Variants in WDR93 observed in about 807,000 individuals in gnomAD.
The protein encoded by WDR93 is WD repeat domain 93.
WDR93 carries 73 observed loss-of-function variants against 82.9 expected under a neutral mutation model. The observed-to-expected ratio is 0.88, with a 90% confidence interval of 0.73 to 1.07. WDR93 has a LOEUF of 1.07. Among genes scored for constraint, WDR93 ranks in the 50% least tolerant of loss-of-function variants. WDR93 has a pLI of 0.00. For synonymous variants in WDR93, 283 were observed against 300.1 expected, an observed-to-expected ratio of 0.94 and a Z score of 0.59; for missense variants, 738 against 826.0, an observed-to-expected ratio of 0.89 and a Z score of 1.31.
upstream of WDR93, chr15:89,690,796 G>T (rs1037110394): frequency 1.1e-5 from 6 of 560,758 alleles, no homozygotes; most frequent in African/African-American, 3.9e-5. Flanking sequence ...GAGCAACTTC[G>T]CGGACTTCCG....
At chr15:89,737,125 A>G (rs1244860888) in intron 14 of WDR93, among the ~76,000 whole-genome samples, 2 of 152,138 alleles carry the variant, frequency 1.3e-5, no homozygotes, top group East Asian at 3.9e-4. Flanking sequence ...AGAGTTTAGT[A>G]TGTTCACTGC....
intron 14 of WDR93, 40 bp from the exon 15 acceptor site, chr15:89,737,533 G>A: frequency 6.2e-7 from 1 of 1,613,248 alleles, no homozygotes; most frequent in Non-Finnish European, 8.5e-7. Context: ...GAGGGACAGA[G>A]TCCAGTAGAA....
At chr15:89,728,706 A>C (rs1255962162) in intron 9 of WDR93, among the ~76,000 whole-genome samples, 1 of 152,124 alleles carries the variant, frequency 6.6e-6, no homozygotes, top group Admixed American at 6.6e-5. Flanking sequence ...TATGTAGATC[A>C]CCCGAGTCTG....
Position 89,702,944 on chromosome 15 carries a change from TC to T in WDR93, c.304-3del, listed in dbSNP as rs764859007. On this transcript the variant is annotated splice_region_variant and splice_polypyrimidine_tract_variant and intron_variant, in intron 2 of 16. Transcript: ENST00000268130. ...TGAAAATAATATTTTTTCTTTGTTT[TC>T]CCAGCTCAACAAAATGCCAAATTGT... 9.3e-6 allele frequency: 15 copies of T among 1,613,068 alleles called. No homozygotes were observed. The highest frequency in any genetic ancestry group is 1.6e-4 in the Middle Eastern group (1 of 6,076).
intron 1 of WDR93, among the ~76,000 whole-genome samples, chr15:89,695,142 G>C (rs916174263): frequency 3.6e-5 from 5 of 140,060 alleles, no homozygotes; most frequent in African/African-American, 1.4e-4. Flanking sequence ...TGTAAAGTTA[G>C]CTTCTTAATT....
intron 7 of WDR93, among the ~76,000 whole-genome samples, chr15:89,720,583 T>A (rs1256300916): frequency 6.6e-6 from 1 of 152,260 alleles, no homozygotes; most frequent in African/African-American, 2.4e-5. Flanking sequence ...CTAGTAGATT[T>A]TTAGAAGTAT....
chr15:89,715,496 A>AAT (rs1013246935), intron 6 of WDR93, among the ~76,000 whole-genome samples: 2 of 152,118 alleles, frequency 1.3e-5, no homozygotes, highest in Admixed American at 6.6e-5. Context: ...AATATACAGA[A>AAT]ATATATATAT....
intron 1 of WDR93, among the ~76,000 whole-genome samples, chr15:89,691,470 A>T (rs561925399): frequency 6.6e-6 from 1 of 152,182 alleles, no homozygotes; most frequent in African/African-American, 2.4e-5. Flanking sequence ...TGTAATCCCA[A>T]CACTTTGGGA....
Position 89,705,449 on chromosome 15 carries a change from T to C in WDR93, c.497-105T>C, listed in dbSNP as rs1339675305. ...AGGGGCTGGGAAGGAGGCCTAAGAATGAGCGAGCTCATGATGGTAAGTTCA... is the reference window on the plus strand; with the variant it reads ...AGGGGCTGGGAAGGAGGCCTAAGAACGAGCGAGCTCATGATGGTAAGTTCA... On this transcript the variant is annotated intron_variant, in intron 3 of 16. Transcript: ENST00000268130. The C allele has an allele frequency of 6.7e-6, 5 of 748,092 alleles. No individual in the cohort carries two copies. In the Admixed American group the frequency reaches 1.0e-4, roughly 15 times the overall value. 46.3% of individuals were successfully genotyped at this position (748,092 alleles called of 1,614,324 possible).
At position 89,723,823 on chromosome 15, in the gene WDR93, T is replaced by TGCC. The variant is rs1966623549; in HGVS notation, c.880+1685_880+1686insCCG. ...AAAATAAAACTTAACCCCTGCCTCA[T>TGCC]GTCGTACACAAAACTAAATTCCAGA... is the stretch of plus-strand genomic sequence containing the variant. On this transcript the variant is annotated intron_variant, in intron 8 of 16. Coordinates refer to ENST00000268130, the MANE Select transcript of WDR93 (RefSeq NM_020212.2). 2.6e-5 allele frequency among the ~76,000 whole-genome samples: 4 copies of TGCC among 152,296 alleles called. No homozygotes were observed. In the South Asian group the frequency reaches 8.3e-4, roughly 32 times the overall value.
At chr15:89,692,693 T>C (rs2141567766) in intron 1 of WDR93, among the ~76,000 whole-genome samples, 1 of 152,342 alleles carries the variant, frequency 6.6e-6, no homozygotes, top group Middle Eastern at 3.4e-3. Flanking sequence ...CACTGCACCC[T>C]TCGTCTCCCG....
At chr15:89,725,694 C>G (rs1966710963) in intron 8 of WDR93, among the ~76,000 whole-genome samples, 1 of 151,988 alleles carries the variant, frequency 6.6e-6, no homozygotes, top group African/African-American at 2.4e-5. Flanking sequence ...TCCCAAGTAG[C>G]TGGGACTACA....
chr15:89,711,943 TG>T, intron 4 of WDR93, 82 bp from the exon 5 acceptor site: 1 of 1,026,114 alleles, frequency 9.7e-7, no homozygotes, highest in East Asian at 2.6e-5. Flanking sequence ...TCTCTGTTCC[TG>T]GGTGCAGACC....
chr15:89,716,393 A>G (rs1429994185), intron 6 of WDR93, among the ~76,000 whole-genome samples: 1 of 152,050 alleles, frequency 6.6e-6, no homozygotes, highest in African/African-American at 2.4e-5. Context: ...TTGGTACTCA[A>G]AAAGATATAT....
At chr15:89,702,191 A>G (rs1055372673) in intron 2 of WDR93, 142 bp downstream of exon 2, 1 of 969,494 alleles carries the variant, frequency 1.0e-6, no homozygotes, top group Non-Finnish European at 1.5e-6. Flanking sequence ...AAGCATGCTG[A>G]TGTTGATTAA....
At position 89,692,980 on chromosome 15, in the gene WDR93, GTTTTC is replaced by G. The variant is rs927239674; in HGVS notation, c.-41+2135_-41+2139del. Among the ~76,000 whole-genome samples the G allele has an allele frequency of 2.9e-3, 448 of 152,044 alleles. 2 individuals are homozygous for G. Among genetic ancestry groups the G allele is most frequent in the African/African-American group, 0.01 (432 of 41,460 alleles). ...TAAATTGAATCATATAGTATGTAGC[GTTTTC>G]TTTTCTTTTCTGATTTATTTTACTT... On this transcript the variant is annotated intron_variant, in intron 1 of 16. Transcript: ENST00000268130.
At chr15:89,727,822 C>T (rs1178722164) in intron 9 of WDR93, among the ~76,000 whole-genome samples, 2 of 151,908 alleles carry the variant, frequency 1.3e-5, no homozygotes, top group Non-Finnish European at 2.9e-5. Context: ...GTGGCTCAGG[C>T]CTGTAATCCC....
At position 89,710,092 on chromosome 15, in the gene WDR93, G is replaced by A. The variant is rs555743394; in HGVS notation, c.562-1934G>A. Among the ~76,000 whole-genome samples the A allele has an allele frequency of 8.5e-5, 13 of 152,278 alleles. No individual in the cohort carries two copies. In the East Asian group the frequency reaches 1.2e-3, roughly 14 times the overall value. ...GGAGAATTGCTTGAACCCAGGAGGC[G>A]GAGATTGCAGTGAGCTGAGATCGCA... On this transcript the variant is annotated intron_variant, in intron 4 of 16. Coordinates refer to ENST00000268130, the MANE Select transcript of WDR93 (RefSeq NM_020212.2).
chr15:89,738,030 T>C lies in WDR93; in HGVS notation c.1766-11T>C. Reference sequence around the variant, plus strand: ...TGTTACACAGAACATGGTGTTCTTGTCTCGTCACAGGAGACTATTCACATG... The same window carrying C: ...TGTTACACAGAACATGGTGTTCTTGCCTCGTCACAGGAGACTATTCACATG... On this transcript the variant is annotated splice_polypyrimidine_tract_variant and intron_variant, in intron 15 of 16. Coordinates refer to ENST00000268130, the MANE Select transcript of WDR93 (RefSeq NM_020212.2). 1.3e-6 allele frequency: 2 copies of C among 1,597,872 alleles called. No homozygotes were observed. The highest frequency in any genetic ancestry group is 1.7e-6 in the Non-Finnish European group (2 of 1,171,970).
Sources: gnomAD v4.1 joint callset for allele counts (sites outside exome capture counted in the v4.1 genomes callset) on GRCh38, gnomAD v4.1.1 for gene constraint, MANE v1.5 for transcripts, NCBI Gene and HGNC (gene_info 2026-07-23, HGNC 2026-07-21) for gene names.